The following PCGF1 variants were observed in gnomAD, a reference collection of about 807,000 sequenced individuals.
PCGF1 encodes polycomb group RING finger protein 1.
A neutral mutation model predicts 38.8 loss-of-function variants in PCGF1; 10 were observed. The observed-to-expected ratio is 0.26, with a 90% CI of 0.16 to 0.44. PCGF1 has a LOEUF of 0.44. Among genes scored for constraint, PCGF1 ranks in the 20% least tolerant of loss-of-function variants. The pLI is 1.00. For synonymous variants in PCGF1, 119 were observed against 121.3 expected (o/e 0.98, Z 0.12); for missense variants, 230 against 331.5 (o/e 0.69, Z 2.38).
chr2:74,505,142 C>A lies in PCGF1; in HGVS notation c.*1G>T. 1 of 1,500,936 alleles carries A rather than the reference C, an allele frequency of 6.7e-7. No homozygotes were observed. The highest frequency in any genetic ancestry group is 2.3e-5 in the East Asian group (1 of 43,250). The allele number at this position is 1,500,936 out of a possible 1,614,324, so 93.0% of individuals were successfully genotyped here. On this transcript the variant is annotated 3_prime_UTR_variant, in exon 9 of 9. Coordinates refer to ENST00000233630, the MANE Select transcript of PCGF1 (RefSeq NM_032673.3). ...AGTGGGATGGGGTGGGGGCTTGGCCCCTACCTCCTCTTCTCTTTCACACTG... is the reference window on the plus strand; with the variant it reads ...AGTGGGATGGGGTGGGGGCTTGGCCACTACCTCCTCTTCTCTTTCACACTG...
chr2:74,505,328 G>A lies in PCGF1; in HGVS notation c.732+11C>T. ...AGGGGGTGTGATCCCAGGGAGGGTG[G>A]CCTGGCTTACCTTGCCGAACCAGCG... On this transcript the variant is annotated intron_variant, in intron 8 of 8. Transcript: ENST00000233630. The A allele has an allele frequency of 6.2e-7, 1 of 1,602,868 alleles. No individual in the cohort carries two copies. Among genetic ancestry groups the A allele is most frequent in the Admixed American group, 1.7e-5 (1 of 58,308 alleles).
At chr2:74,506,905 A>G in intron 2 of PCGF1, 21 bp from the exon 3 acceptor site, 1 of 1,613,962 alleles carries the variant, frequency 6.2e-7, no homozygotes, top group Non-Finnish European at 8.5e-7. Context: ...AGAAAAGCAG[A>G]TTCTCAGGCC....
Position 74,507,067 on chromosome 2 carries a change from G to A in PCGF1, c.174C>T (p.Thr58=). ...AAGTATGAAGACACTCTGTGATGGT[G>A]GTGGCATCCACGAAGTAGCCGGCGC... ...CLCAGYFVDA[T]TITECLHTFC... The change falls in exon 2 of 9, where the codon ACC becomes ACT. Residue 58 remains threonine, a synonymous_variant. Transcript: ENST00000233630. 6.2e-7 allele frequency: 1 copy of A among 1,614,144 alleles called. No individual in the cohort carries two copies. The highest frequency in any genetic ancestry group is 8.5e-7 in the Non-Finnish European group (1 of 1,179,968).
At position 74,506,027 on chromosome 2, in the gene PCGF1, A is replaced by T; in HGVS notation, c.455T>A (p.Phe152Tyr). The part of the protein sequence containing the change: ...EPALSNLGLP[F>Y]SSFDHSKAHY... ...GGCTTTAGAGTGGTCAAAGCTGCTG[A>T]AGGGGAGGCCGAGGTTGCTCAGTGC... Residue 152 changes from phenylalanine (F) to tyrosine (Y), a missense_variant, in exon 5 of 9, where the codon TTC becomes TAC. Transcript: ENST00000233630. 1 of 1,614,212 alleles carries T rather than the reference A, an allele frequency of 6.2e-7. No homozygotes were observed. Among genetic ancestry groups the T allele is most frequent in the Non-Finnish European group, 8.5e-7 (1 of 1,180,032 alleles).
In PCGF1 at chr2:74,506,936, G is replaced by A; in HGVS notation, c.200-52C>T. ...AGGCCCTCTGGAAACTGGATTCATG[G>A]GCTGGGTGGGGTGCCTGGATGCGTG... is the stretch of plus-strand genomic sequence containing the variant. On this transcript the variant is annotated intron_variant, in intron 2 of 8. Coordinates refer to ENST00000233630, the MANE Select transcript of PCGF1 (RefSeq NM_032673.3). 3 of 1,611,718 alleles carry A rather than the reference G, an allele frequency of 1.9e-6. No homozygotes were observed. In the South Asian group the frequency reaches 3.3e-5, roughly 18 times the overall value.
At chr2:74,507,404 C>G (rs922467601) in intron 1 of PCGF1, 172 bp downstream of exon 1, 1 of 1,455,160 alleles carries the variant, frequency 6.9e-7, no homozygotes, top group Non-Finnish European at 9.0e-7. Context: ...GGCGACACAA[C>G]GCGCAGGCGT....
At chr2:74,507,353 C>G in intron 1 of PCGF1, 2 of 1,450,226 alleles carry the variant, frequency 1.4e-6, no homozygotes, top group Non-Finnish European at 1.8e-6. Flanking sequence ...CTCACGTGGA[C>G]TCGCCTGACC....
At chr2:74,507,419 A>T in intron 1 of PCGF1, 157 bp downstream of exon 1, 1 of 1,462,296 alleles carries the variant, frequency 6.8e-7, no homozygotes, top group South Asian at 1.4e-5. Context: ...AGGCGTCCTA[A>T]CCGGAGTTTG....
intron 8 of PCGF1, 44 bp downstream of exon 8, chr2:74,505,295 G>C: frequency 6.3e-7 from 1 of 1,585,534 alleles, no homozygotes; most frequent in Non-Finnish European, 8.6e-7. Context: ...TGGTTGGGGG[G>C]AGTCTGAAGG....
chr2:74,505,716 C>T, intron 6 of PCGF1, 21 bp downstream of exon 6: 1 of 1,613,922 alleles, frequency 6.2e-7, no homozygotes, highest in Non-Finnish European at 8.5e-7. Context: ...TTAGAGAGGC[C>T]CTCCCCTCAG....
At position 74,507,576 on chromosome 2, in the gene PCGF1, C is replaced by A; in HGVS notation, c.93G>T (p.Glu31Asp). The change falls in exon 1 of 9, where the codon GAG becomes GAT. Residue 31 changes from glutamate (E) to aspartate (D), a missense_variant and splice_region_variant. Coordinates refer to ENST00000233630, the MANE Select transcript of PCGF1 (RefSeq NM_032673.3). ...AGCAGTAACCCTGCCGCCCTTGCAC[C>A]TCGTTCCGTAGCGGGTCCATCTTGT... ...SVYKMDPLRNEEEVRVKIKDL... is the reference protein window; with the variant it reads ...SVYKMDPLRNDEEVRVKIKDL... 6.3e-7 allele frequency: 1 copy of A among 1,584,788 alleles called. No homozygotes were observed. The highest frequency in any genetic ancestry group is 8.6e-7 in the Non-Finnish European group (1 of 1,166,208).
At position 74,505,248 on chromosome 2, in the gene PCGF1, G is replaced by A. The variant is rs1674598756; in HGVS notation, c.733-58C>T. ...GGGAATGTTCTTATATTATTCAAAGGGCCCCTCAGCCCACCCTTCCCCTGA... is the reference window on the plus strand; with the variant it reads ...GGGAATGTTCTTATATTATTCAAAGAGCCCCTCAGCCCACCCTTCCCCTGA... On this transcript the variant is annotated intron_variant, in intron 8 of 8. Transcript: ENST00000233630. 7.0e-6 allele frequency: 11 copies of A among 1,565,586 alleles called. No homozygotes were observed. In the South Asian group the frequency reaches 1.3e-4, roughly 18 times the overall value.
At chr2:74,507,303 C>G in intron 1 of PCGF1, 156 bp from the exon 2 acceptor site, 1 of 1,470,934 alleles carries the variant, frequency 6.8e-7, no homozygotes, top group Non-Finnish European at 9.0e-7. Flanking sequence ...GGCACTCCCC[C>G]TCCGCCCAGC....
intron 5 of PCGF1, 35 bp downstream of exon 5, chr2:74,505,917 C>T (rs1055547364): frequency 6.2e-7 from 1 of 1,610,352 alleles, no homozygotes; most frequent in South Asian, 1.1e-5. Flanking sequence ...GTCATTGGCA[C>T]TGTCACCTCC....
intron 7 of PCGF1, 48 bp downstream of exon 7, chr2:74,505,504 T>A (rs1674608467): frequency 6.2e-7 from 1 of 1,611,772 alleles, no homozygotes; most frequent in South Asian, 1.1e-5. Flanking sequence ...TGTCCCTCCT[T>A]TCTTAGCCCC....
Position 74,506,877 on chromosome 2 carries a change from C to T in PCGF1, c.207G>A (p.Lys69=). Residue 69 remains lysine (K), a synonymous_variant, in exon 3 of 9, where the codon AAG becomes AAA. Coordinates refer to ENST00000233630, the MANE Select transcript of PCGF1 (RefSeq NM_032673.3). The part of the protein sequence containing the change: ...TITECLHTFC[K]SCIVKYLQTS... ...TTTGGAGGTACTTCACAATACAACT[C>T]TTGCAGACTGCAGGAAAAGAAAAGC... The T allele has an allele frequency of 1.2e-6, 2 of 1,614,198 alleles. No homozygotes were observed. Among genetic ancestry groups the T allele is most frequent in the Non-Finnish European group, 1.7e-6 (2 of 1,180,032 alleles).
chr2:74,507,471 C>G lies in PCGF1; in HGVS notation c.93+105G>C, dbSNP rs888416391. ...CACGCAGGCGCACTGGGCACTCTGTCTCTGCGCAGGCGCACTGGGCGCCCG... is the reference window on the plus strand; with the variant it reads ...CACGCAGGCGCACTGGGCACTCTGTGTCTGCGCAGGCGCACTGGGCGCCCG... On this transcript the variant is annotated intron_variant, in intron 1 of 8. Coordinates refer to ENST00000233630, the MANE Select transcript of PCGF1 (RefSeq NM_032673.3). The G allele has an allele frequency of 2.7e-6, 4 of 1,508,070 alleles. No individual in the cohort carries two copies. The African/African-American group carries it at 4.1e-5, about 16-fold the overall frequency. The allele number at this position is 1,508,070 out of a possible 1,614,324, so 93.4% of individuals were successfully genotyped here.
Position 74,505,594 on chromosome 2 carries a change from G to A in PCGF1, c.609C>T (p.Leu203=). The A allele has an allele frequency of 6.2e-7, 1 of 1,614,120 alleles. No homozygotes were observed. The highest frequency in any genetic ancestry group is 8.5e-7 in the Non-Finnish European group (1 of 1,180,018). The part of the protein sequence containing the change: ...RCSVRAEVRH[L]RRVLCHRLML... Reference sequence around the variant, plus strand: ...TCAAGCGGTGACACAGGACCCTCCGGAGATGGCGTACCTCAGCTCTAACAG... The same window carrying A: ...TCAAGCGGTGACACAGGACCCTCCGAAGATGGCGTACCTCAGCTCTAACAG... The change falls in exon 7 of 9, where the codon CTC becomes CTT. Residue 203 remains leucine, a synonymous_variant. Coordinates refer to ENST00000233630, the MANE Select transcript of PCGF1 (RefSeq NM_032673.3).
chr2:74,505,316 C>G lies in PCGF1; in HGVS notation c.732+23G>C, dbSNP rs770323959. On this transcript the variant is annotated intron_variant, in intron 8 of 8. Transcript: ENST00000233630. The stretch of plus-strand genomic sequence containing the variant: ...GGGGGAGTCTGAAGGGGGTGTGATC[C>G]CAGGGAGGGTGGCCTGGCTTACCTT... 3.8e-6 allele frequency: 6 copies of G among 1,597,816 alleles called. No individual in the cohort carries two copies. The African/African-American group carries it at 8.0e-5, about 21-fold the overall frequency.
Sources: gnomAD v4.1 joint callset for allele counts on GRCh38, gnomAD v4.1.1 for gene constraint, MANE v1.5 for transcripts, NCBI Gene and HGNC (gene_info 2026-07-23, HGNC 2026-07-21) for gene names.